ABCA12: variants seen among roughly 807,000 people sequenced by gnomAD.
ABCA12 encodes ATP binding cassette subfamily A member 12.
ABCA12 carries 156 observed loss-of-function variants against 293.5 expected under a neutral mutation model. The ratio of observed to expected loss-of-function variants is 0.53; its 90% CI spans 0.47 to 0.61. The LOEUF (loss-of-function observed/expected upper bound fraction) is 0.61. Ranked by LOEUF, ABCA12 falls within the 20% of genes least tolerant of loss-of-function variation. ABCA12 has a pLI of 0.00. For missense variants in ABCA12, 2,797 were observed against 3,090.2 expected (o/e 0.91, Z 2.25); for synonymous variants, 1,063 against 1,108.0 (o/e 0.96, Z 0.81).
chr2:215,134,022 C>T (rs1365340789), intron 1 of ABCA12, among the ~76,000 whole-genome samples: 1 of 151,824 alleles, frequency 6.6e-6, no homozygotes, highest in Non-Finnish European at 1.5e-5. Context: ...TTAGATATGT[C>T]CCAATATTCC....
intron 7 of ABCA12, among the ~76,000 whole-genome samples, chr2:215,043,805 C>T (rs966492791): frequency 3.3e-5 from 5 of 152,048 alleles, no homozygotes; most frequent in African/African-American, 1.2e-4. Flanking sequence ...TCAATCACCC[C>T]AGAAAATTTT....
chr2:215,074,928 C>A (rs1156751990), intron 2 of ABCA12, among the ~76,000 whole-genome samples: 2 of 151,770 alleles, frequency 1.3e-5, no homozygotes, highest in Non-Finnish European at 2.9e-5. Flanking sequence ...GGTGACAGAG[C>A]AAGACTCTGT....
At chr2:215,091,521 G>T (rs1702146567) in intron 2 of ABCA12, among the ~76,000 whole-genome samples, 2 of 152,124 alleles carry the variant, frequency 1.3e-5, no homozygotes, top group Admixed American at 6.5e-5. Context: ...GGCTCATTTG[G>T]CAACAACCCT....
intron 2 of ABCA12, among the ~76,000 whole-genome samples, chr2:215,090,504 A>G (rs1377934330): frequency 6.6e-6 from 1 of 151,616 alleles, no homozygotes; most frequent in Non-Finnish European, 1.5e-5. Context: ...CCACCCTTCA[A>G]TCTCTCCCTT....
Position 214,990,623 on chromosome 2 carries a change from G to A in ABCA12, c.3624+79C>T, listed in dbSNP as rs1699890310. 2.1e-6 allele frequency: 3 copies of A among 1,436,570 alleles called. No individual in the cohort carries two copies. In the Admixed American group the frequency reaches 5.2e-5, roughly 25 times the overall value. The allele number at this position is 1,436,570 out of a possible 1,614,324, so 89.0% of individuals were successfully genotyped here. A position where few individuals can be genotyped will look rare whatever the true frequency, so the allele number is the denominator to read the frequency against. On this transcript the variant is annotated intron_variant, in intron 24 of 52. Transcript: ENST00000272895. Reference sequence around the variant, plus strand: ...TCAAATTAAGATAAGTGAACTTTCAGTCTGAGAATCCAAAAACAAACAAAC... The same window carrying A: ...TCAAATTAAGATAAGTGAACTTTCAATCTGAGAATCCAAAAACAAACAAAC...
At chr2:215,035,207 C>A (rs1700965910) in intron 8 of ABCA12, among the ~76,000 whole-genome samples, 1 of 152,132 alleles carries the variant, frequency 6.6e-6, no homozygotes. Flanking sequence ...AAGTTAGTAA[C>A]TTTTAGGAAT....
intron 3 of ABCA12, among the ~76,000 whole-genome samples, chr2:215,056,439 C>G (rs1701422184): frequency 1.3e-5 from 2 of 152,102 alleles, no homozygotes; most frequent in Non-Finnish European, 2.9e-5. Context: ...CACAGCAGCT[C>G]CCATTCTAAC....
chr2:215,016,697 G>A (rs1196540044), intron 14 of ABCA12, among the ~76,000 whole-genome samples: 1 of 146,584 alleles, frequency 6.8e-6, no homozygotes, highest in Non-Finnish European at 1.5e-5. Flanking sequence ...AAAATCTTAG[G>A]CAATATACTC....
At chr2:215,064,854 C>A (rs1209847295) in intron 2 of ABCA12, among the ~76,000 whole-genome samples, 1 of 151,904 alleles carries the variant, frequency 6.6e-6, no homozygotes, top group African/African-American at 2.4e-5. Flanking sequence ...TGTTTTATCA[C>A]AATTTACATG....
intron 1 of ABCA12, among the ~76,000 whole-genome samples, chr2:215,112,375 C>A: frequency 3.8e-5 from 5 of 130,656 alleles, no homozygotes; most frequent in Admixed American, 8.3e-5. Context: ...ATAAACTGGA[C>A]GTTCATTTAT....
At chr2:215,100,255 A>G (rs1371831769) in intron 2 of ABCA12, among the ~76,000 whole-genome samples, 2 of 151,986 alleles carry the variant, frequency 1.3e-5, no homozygotes, top group Non-Finnish European at 2.9e-5. Context: ...AAAACACTCT[A>G]CTTTGGCTAG....
At position 214,980,604 on chromosome 2, in the gene ABCA12, G is replaced by A. The variant is rs146365586; in HGVS notation, c.4619C>T (p.Ala1540Val). 2.9e-5 allele frequency: 47 copies of A among 1,613,952 alleles called. No individual in the cohort carries two copies. The highest frequency in any genetic ancestry group is 3.8e-5 in the Non-Finnish European group (45 of 1,179,980). The change falls in exon 31 of 53, where the codon GCT (alanine) becomes GTT (valine). Residue 1540 changes from alanine to valine, a missense_variant. Around this residue, in one of 3 missense-constraint regions of ABCA12, gnomAD observed 2,130 missense variants for 2,427.0 expected, o/e 0.88. Transcript: ENST00000272895. ...IILSTHHLDEAEVLSDRIAFL... is the reference protein window; with the variant it reads ...IILSTHHLDEVEVLSDRIAFL... ...GGCGATGCGGTCACTCAGCACTTCA[G>A]CCTCGTCCAAGTGGTGCGTTGACAG...
intron 2 of ABCA12, among the ~76,000 whole-genome samples, chr2:215,068,892 G>T (rs556346289): frequency 2.0e-5 from 3 of 152,254 alleles, no homozygotes; most frequent in African/African-American, 4.8e-5. Context: ...GTCTAGAGAA[G>T]TGCTATTTTC....
intron 48 of ABCA12, among the ~76,000 whole-genome samples, 200 bp downstream of exon 48, chr2:214,947,222 A>G (rs1215459771): frequency 6.6e-6 from 1 of 152,228 alleles, no homozygotes; most frequent in African/African-American, 2.4e-5. Flanking sequence ...TTTTGAGAGC[A>G]TATTGTTGTG....
At chr2:215,087,372 TC>T (rs1217128113) in intron 2 of ABCA12, among the ~76,000 whole-genome samples, 1 of 152,178 alleles carries the variant, frequency 6.6e-6, no homozygotes, top group Non-Finnish European at 1.5e-5. Flanking sequence ...CAAATACAGA[TC>T]TTTAGCTTCG....
At chr2:214,944,013 T>A (rs1006434453) in intron 49 of ABCA12, among the ~76,000 whole-genome samples, 36 of 152,204 alleles carry the variant, frequency 2.4e-4, no homozygotes, top group Non-Finnish European at 4.4e-5. Flanking sequence ...AATGATTTAG[T>A]ATCTCCTATA....
rs576138406 is a variant in ABCA12 at position 215,087,558 on chromosome 2, A to T, written c.164-23339T>A. 1.6e-4 allele frequency among the ~76,000 whole-genome samples: 24 copies of T among 151,900 alleles called. No individual in the cohort carries two copies. In the South Asian group the frequency reaches 5.0e-3, roughly 32 times the overall value. ...GGGGAAGTTCATAAAGATAGGAGAA[A>T]AAAGACAAGTATATGTACAAAACAA... On this transcript the variant is annotated intron_variant, in intron 2 of 52. Coordinates refer to ENST00000272895, the MANE Select transcript of ABCA12 (RefSeq NM_173076.3).
In ABCA12 at chr2:214,947,692, T is replaced by G. The variant is rs1698626710; in HGVS notation, c.7105-136A>C. 3.2e-6 allele frequency: 3 copies of G among 933,688 alleles called. No homozygotes were observed. In the South Asian group the frequency reaches 4.7e-5, roughly 15 times the overall value. 57.8% of individuals were successfully genotyped at this position (933,688 alleles called of 1,614,324 possible). A position where few individuals can be genotyped will look rare whatever the true frequency, so the allele number is the denominator to read the frequency against. ...ATATCTGGAAAAAAATGAAAACACT[T>G]AAATTCAACATAGATTTTATTTTCA... On this transcript the variant is annotated intron_variant, in intron 47 of 52. Coordinates refer to ENST00000272895, the MANE Select transcript of ABCA12 (RefSeq NM_173076.3).
In ABCA12 at chr2:215,028,890, G is replaced by T. The variant is rs1169071604; in HGVS notation, c.1062-1952C>A. 2.0e-5 allele frequency among the ~76,000 whole-genome samples: 3 copies of T among 152,074 alleles called. No individual in the cohort carries two copies. In the East Asian group the frequency reaches 5.8e-4, roughly 29 times the overall value. ...GCACTTGCTCAAAAAACCCTGAGCA[G>T]GTATTTTGAAATGATAGTTTCAGAA... On this transcript the variant is annotated intron_variant, in intron 9 of 52. Transcript: ENST00000272895.
Sources: allele counts gnomAD v4.1 joint callset (sites outside exome capture counted in the v4.1 genomes callset), GRCh38; gene constraint gnomAD v4.1.1; regional missense constraint gnomAD v4.1.1; transcripts MANE v1.5; gene names NCBI Gene and HGNC (gene_info 2026-07-23, HGNC 2026-07-21).